TMC1: variants seen among roughly 807,000 people sequenced by gnomAD.
TMC1 encodes the protein transmembrane channel-like protein 1.
A neutral mutation model predicts 105.8 loss-of-function variants in TMC1; 84 were observed. The ratio of observed to expected loss-of-function variants is 0.79; its 90% CI spans 0.67 to 0.95. The LOEUF is 0.95. Ranked by LOEUF, TMC1 falls within the 40% of genes least tolerant of loss-of-function variation. The pLI is 0.00. For synonymous variants in TMC1, 315 were observed against 311.5 expected (o/e 1.01, Z -0.12); for missense variants, 817 against 914.1 (o/e 0.89, Z 1.37).
At chr9:72,780,506 C>T (rs1564549281) in intron 13 of TMC1, among the ~76,000 whole-genome samples, 2 of 152,116 alleles carry the variant, frequency 1.3e-5, no homozygotes, top group African/African-American at 4.8e-5. Context: ...ATGTTGTCTT[C>T]AAGGGACCCA....
intron 1 of TMC1, among the ~76,000 whole-genome samples, chr9:72,539,272 G>T (rs555122547): frequency 2.6e-5 from 4 of 151,978 alleles, no homozygotes; most frequent in African/African-American, 9.6e-5. Flanking sequence ...CAGGTGTGGT[G>T]GCATGTGCTT....
intron 4 of TMC1, among the ~76,000 whole-genome samples, chr9:72,633,001 A>G (rs1185018680): frequency 6.7e-6 from 1 of 149,822 alleles, no homozygotes; most frequent in Non-Finnish European, 1.5e-5. Context: ...CATAGACACT[A>G]TTCTGCCAAA....
intron 5 of TMC1, among the ~76,000 whole-genome samples, chr9:72,652,153 T>C (rs1195796694): frequency 2.0e-5 from 3 of 152,168 alleles, no homozygotes; most frequent in African/African-American, 7.2e-5. Context: ...ATTTCCCTGA[T>C]AATTAGTGAT....
At chr9:72,595,133 T>C (rs1824698183) in intron 2 of TMC1, among the ~76,000 whole-genome samples, 1 of 152,152 alleles carries the variant, frequency 6.6e-6, no homozygotes, top group Non-Finnish European at 1.5e-5. Context: ...CCCAAAATGC[T>C]GGAATTACAG....
At chr9:72,539,436 G>A (rs951126405) in intron 1 of TMC1, among the ~76,000 whole-genome samples, 10 of 151,584 alleles carry the variant, frequency 6.6e-5, no homozygotes, top group Non-Finnish European at 1.5e-4. Context: ...CAAAATTTCC[G>A]CCAGATATCC....
At chr9:72,643,154 T>C (rs1249523774) in intron 4 of TMC1, among the ~76,000 whole-genome samples, 1 of 152,074 alleles carries the variant, frequency 6.6e-6, no homozygotes, top group African/African-American at 2.4e-5. Flanking sequence ...TTCTTCCTCC[T>C]TTTATTCTGC....
intron 7 of TMC1, among the ~76,000 whole-genome samples, chr9:72,695,315 A>G (rs1826531305): frequency 6.6e-6 from 1 of 152,206 alleles, no homozygotes; most frequent in Non-Finnish European, 1.5e-5. Flanking sequence ...TCCACCAGGA[A>G]AACATTTTAG....
At chr9:72,669,967 G>T (rs911754714) in intron 5 of TMC1, among the ~76,000 whole-genome samples, 4 of 152,150 alleles carry the variant, frequency 2.6e-5, no homozygotes, top group African/African-American at 9.7e-5. Context: ...GAGATTCCAG[G>T]CCAGGGTGCA....
At chr9:72,751,025 T>C (rs1827572460) in intron 10 of TMC1, among the ~76,000 whole-genome samples, 1 of 152,192 alleles carries the variant, frequency 6.6e-6, no homozygotes, top group Non-Finnish European at 1.5e-5. Flanking sequence ...TTGACAAAAC[T>C]TTCTAAAGCT....
At chr9:72,632,674 G>T (rs1298369994) in intron 4 of TMC1, among the ~76,000 whole-genome samples, 1 of 151,970 alleles carries the variant, frequency 6.6e-6, no homozygotes, top group Non-Finnish European at 1.5e-5. Flanking sequence ...ATCAAAGTAT[G>T]CAGATTGGAA....
At chr9:72,542,470 A>T (rs1463488131) in intron 1 of TMC1, among the ~76,000 whole-genome samples, 2 of 151,692 alleles carry the variant, frequency 1.3e-5, no homozygotes, top group African/African-American at 4.8e-5. Context: ...AAAATAAACA[A>T]TTAACTGGGT....
At chr9:72,803,555 A>C (rs1828516254) in intron 17 of TMC1, among the ~76,000 whole-genome samples, 1 of 152,224 alleles carries the variant, frequency 6.6e-6, no homozygotes, top group South Asian at 2.1e-4. Flanking sequence ...ATACAACCCC[A>C]TTAAAAAGTG....
chr9:72,560,577 C>G (rs1039690971), intron 1 of TMC1, among the ~76,000 whole-genome samples: 1 of 152,136 alleles, frequency 6.6e-6, no homozygotes, highest in Non-Finnish European at 1.5e-5. Context: ...CAGCTCACTG[C>G]AACCTCTGCC....
intron 5 of TMC1, among the ~76,000 whole-genome samples, chr9:72,667,781 A>G (rs1412405761): frequency 8.5e-5 from 13 of 152,148 alleles, no homozygotes; most frequent in Admixed American, 1.3e-4. Context: ...CTTTCTCTCT[A>G]TCAATTCTGT....
chr9:72,659,574 T>C (rs561590120), intron 5 of TMC1, among the ~76,000 whole-genome samples: 1 of 152,282 alleles, frequency 6.6e-6, no homozygotes, highest in East Asian at 1.9e-4. Flanking sequence ...GGGGAGCCTG[T>C]GGTGAGTCAA....
At position 72,784,117 on chromosome 9, in the gene TMC1, C is replaced by T. The variant is rs1227553226; in HGVS notation, c.885-4222C>T. On this transcript the variant is annotated intron_variant, in intron 13 of 23. Coordinates refer to ENST00000297784, the MANE Select transcript of TMC1 (RefSeq NM_138691.3). ...TCTGCACAGCAAAAGAATTTATCAA[C>T]AGACTAAACAGACAACCAACAGAAT... Among the ~76,000 whole-genome samples, 5 of 152,040 alleles carry T rather than the reference C, an allele frequency of 3.3e-5. No individual in the cohort carries two copies. The East Asian group carries it at 7.7e-4, about 23-fold the overall frequency.
At chr9:72,751,212 C>G (rs1046545861) in intron 10 of TMC1, among the ~76,000 whole-genome samples, 1 of 152,174 alleles carries the variant, frequency 6.6e-6, no homozygotes, top group African/African-American at 2.4e-5. Context: ...TCTATTATAG[C>G]AGCACCCGTA....
chr9:72,536,156 C>T (rs1280007481), intron 1 of TMC1, among the ~76,000 whole-genome samples: 8 of 152,200 alleles, frequency 5.3e-5, no homozygotes, highest in African/African-American at 1.7e-4. Context: ...CAAAGTATCA[C>T]CTGCGACTCA....
rs1484507062 is a variant in TMC1, at chr9:72,689,331, A to T, written c.64+575A>T. 2.0e-5 allele frequency among the ~76,000 whole-genome samples: 3 copies of T among 152,100 alleles called. No individual in the cohort carries two copies. In the East Asian group the frequency reaches 5.8e-4, roughly 29 times the overall value. ...AGGTAGGTCGGATGATTTCTTGATG[A>T]CCAGTTTTTACACAGACAGGGCAGA... On this transcript the variant is annotated intron_variant, in intron 6 of 23. Transcript: ENST00000297784.
Sources: gnomAD v4.1 joint callset for allele counts (sites outside exome capture counted in the v4.1 genomes callset) on GRCh38, gnomAD v4.1.1 for gene constraint, MANE v1.5 for transcripts, NCBI Gene and HGNC (gene_info 2026-07-23, HGNC 2026-07-21) for gene names.